PDE4DIP: variants seen among roughly 807,000 people sequenced by gnomAD.
PDE4DIP encodes the protein phosphodiesterase 4D interacting protein.
PDE4DIP carries 59 observed loss-of-function variants against 221.4 expected under a neutral mutation model. That is an observed-to-expected ratio of 0.27 (90% CI 0.22 to 0.33). PDE4DIP has a LOEUF of 0.33. PDE4DIP is among the 10% of genes least tolerant of loss of function. The pLI, the probability that PDE4DIP is intolerant of heterozygous loss-of-function variation, is 1.00. For synonymous variants in PDE4DIP, 404 were observed against 815.9 expected, an observed-to-expected ratio of 0.50 and a Z score of 8.60; for missense variants, 1,036 against 2,154.2, an observed-to-expected ratio of 0.48 and a Z score of 10.28.
intron 5 of PDE4DIP, among the ~76,000 whole-genome samples, chr1:148,948,941 A>G (rs1166569104): frequency 6.6e-6 from 1 of 152,230 alleles, no homozygotes; most frequent in Non-Finnish European, 1.5e-5. Flanking sequence ...CATTCAGGGT[A>G]GTACGGCTGT....
chr1:149,005,551 A>C, intron 27 of PDE4DIP, 114 bp downstream of exon 30: 1 of 908,332 alleles, frequency 1.1e-6, no homozygotes, highest in Non-Finnish European at 1.7e-6. Flanking sequence ...TCACAGGGAC[A>C]CTGATTTAAA....
At chr1:148,829,201 AT>A (rs1671418554) in intron 1 of PDE4DIP, among the ~76,000 whole-genome samples, 1 of 131,512 alleles carries the variant, frequency 7.6e-6, no homozygotes, top group African/African-American at 2.8e-5. Flanking sequence ...AAGATGAGAA[AT>A]GGAAAATCTG....
At chr1:149,019,893 A>T (rs1457491214) in intron 35 of PDE4DIP, among the ~76,000 whole-genome samples, 1 of 152,068 alleles carries the variant, frequency 6.6e-6, no homozygotes, top group Non-Finnish European at 1.5e-5. Context: ...GAAAGTGGTG[A>T]TCATTAGAAA....
At chr1:149,014,857 G>T (rs1470273687) in intron 32 of PDE4DIP, among the ~76,000 whole-genome samples, 1 of 152,114 alleles carries the variant, frequency 6.6e-6, no homozygotes, top group Admixed American at 6.6e-5. Context: ...ACTGTGTATT[G>T]TGTGGCCAAT....
At chr1:148,915,134 T>TTTTGTTTTTTTG (rs1553457268) in intron 1 of PDE4DIP, among the ~76,000 whole-genome samples, 1,107 of 149,794 alleles carry the variant, frequency 7.4e-3, no homozygotes, top group Middle Eastern at 0.021. Context: ...CTTCTGGTTT[T>TTTTGTTTTTTTG]TTTGTTTGTT....
intron 19 of PDE4DIP, 130 bp from the exon 23 acceptor site, chr1:148,979,607 T>C (rs587600692): frequency 1.4e-6 from 1 of 715,486 alleles, no homozygotes; most frequent in African/African-American, 1.8e-5. Flanking sequence ...AACTATAAAA[T>C]AGTATCAAAA....
intron 16 of PDE4DIP, among the ~76,000 whole-genome samples, chr1:148,972,793 C>T (rs1408243091): frequency 2.6e-5 from 4 of 151,886 alleles, no homozygotes; most frequent in East Asian, 3.9e-4. Flanking sequence ...GTTCACAATT[C>T]GGCCCAGAGA....
chr1:148,820,500 G>A (rs868907977), intron 1 of PDE4DIP, among the ~76,000 whole-genome samples: 10,417 of 141,120 alleles, frequency 0.074, 346 homozygotes, highest in African/African-American at 0.25. Flanking sequence ...CCCAGGAGGC[G>A]TAGGTTGCAG....
chr1:149,019,867 G>T (rs1384243894), intron 35 of PDE4DIP, among the ~76,000 whole-genome samples: 2 of 152,010 alleles, frequency 1.3e-5, no homozygotes, highest in Admixed American at 6.6e-5. Context: ...TTGAACAGAC[G>T]ATATGTGAGC....
chr1:148,981,842 C>T (rs587646612), intron 21 of PDE4DIP: 1 of 165,646 alleles, frequency 6.0e-6, no homozygotes, highest in South Asian at 1.6e-4. Context: ...TTATTTTTGC[C>T]ATTCAGTCAA....
At chr1:148,925,741 C>G (rs1344935081) in intron 1 of PDE4DIP, among the ~76,000 whole-genome samples, 1 of 149,022 alleles carries the variant, frequency 6.7e-6, no homozygotes, top group Non-Finnish European at 1.5e-5. Flanking sequence ...CACATTGTCT[C>G]ATTCAATCCT....
exon 24 of PDE4DIP, chr1:149,001,879 G>A (rs782476542): frequency 6.2e-7 from 1 of 1,613,998 alleles, no homozygotes; most frequent in Non-Finnish European, 8.5e-7. Flanking sequence ...TTGTGCATCT[G>A]ACCAGCACCA....
In PDE4DIP at chr1:149,031,845, T is replaced by C. The variant is rs1470804844; in HGVS notation, c.7000-99T>C. On this transcript the variant is annotated intron_variant, in intron 43 of 43. Transcript: ENST00000369354. ...TCTTAACTGGCTCTCACCGTGCTCC[T>C]GGCTTTGGTCACCACGTAGCTCTCA... The C allele has an allele frequency of 3.5e-6, 4 of 1,144,726 alleles. No homozygotes were observed. The South Asian group carries it at 5.2e-5, about 15-fold the overall frequency. The allele number at this position is 1,144,726 out of a possible 1,614,324, so 70.9% of individuals were successfully genotyped here.
chr1:149,030,682 A>G (rs2076485568), intron 43 of PDE4DIP: 1 of 967,986 alleles, frequency 1.0e-6, no homozygotes, highest in South Asian at 4.8e-5. Context: ...ATGAAAAAGT[A>G]AAAGCAATTT....
At chr1:148,982,973 T>A (rs1183620653) in intron 21 of PDE4DIP, 1 of 152,124 alleles carries the variant, frequency 6.6e-6, no homozygotes, top group Admixed American at 6.6e-5. Context: ...AATCTTCTGA[T>A]TAAGTCATTT....
chr1:148,926,866 G>A (rs2046826055), intron 1 of PDE4DIP, among the ~76,000 whole-genome samples: 1 of 145,470 alleles, frequency 6.9e-6, no homozygotes. Context: ...AATTGGTACA[G>A]ATGAATTATT....
intron 2 of PDE4DIP, among the ~76,000 whole-genome samples, chr1:148,864,303 CT>C (rs1353707008): frequency 7.4e-5 from 10 of 135,964 alleles, no homozygotes; most frequent in African/African-American, 3.1e-4. Context: ...TAATGTTAAT[CT>C]CATAGGTGAG....
At chr1:148,821,640 A>G (rs1444172466) in intron 1 of PDE4DIP, among the ~76,000 whole-genome samples, 1 of 146,072 alleles carries the variant, frequency 6.8e-6, no homozygotes, top group South Asian at 2.2e-4. Context: ...AAATAAGAGG[A>G]GGGGGCAGAG....
intron 1 of PDE4DIP, among the ~76,000 whole-genome samples, chr1:148,818,354 T>C (rs1284897157): frequency 1.1e-5 from 1 of 88,788 alleles, no homozygotes; most frequent in African/African-American, 5.6e-5. Flanking sequence ...CCCATAAACA[T>C]TATTGAGCTT....
Sources: allele counts gnomAD v4.1 joint callset (sites outside exome capture counted in the v4.1 genomes callset), GRCh38; gene constraint gnomAD v4.1.1; transcripts MANE v1.5; gene names NCBI Gene and HGNC (gene_info 2026-07-23, HGNC 2026-07-21).